EDIL3: variants seen among roughly 807,000 people sequenced by gnomAD.
The protein encoded by EDIL3 is EGF-like repeat and discoidin I-like domain-containing protein 3.
In EDIL3, 37 loss-of-function variants were observed where a neutral mutation model predicts 67.4. The ratio of observed to expected loss-of-function variants is 0.55; its 90% CI spans 0.42 to 0.72. EDIL3 has a LOEUF of 0.72. EDIL3 is among the 30% of genes least tolerant of loss of function. The probability of loss-of-function intolerance (pLI) is 0.00; values close to 1 mark genes in which losing one functional copy is unlikely to be tolerated. For synonymous variants in EDIL3, 195 were observed against 196.3 expected (o/e 0.99, Z 0.05); for missense variants, 527 against 586.3 (o/e 0.90, Z 1.04).
intron 1 of EDIL3, among the ~76,000 whole-genome samples, chr5:84,297,096 G>A (rs941050825): frequency 6.7e-6 from 1 of 150,118 alleles, no homozygotes; most frequent in African/African-American, 2.4e-5. Context: ...GCAGGAGAAT[G>A]GTGTGAACCC....
chr5:84,307,352 G>T (rs1046409429), intron 1 of EDIL3, among the ~76,000 whole-genome samples: 2 of 152,074 alleles, frequency 1.3e-5, no homozygotes, highest in Admixed American at 1.3e-4. Context: ...TGGTGCTGAG[G>T]TAATGTAAAT....
intron 1 of EDIL3, among the ~76,000 whole-genome samples, chr5:84,312,776 A>G (rs931812977): frequency 5.3e-5 from 8 of 152,222 alleles, no homozygotes; most frequent in African/African-American, 1.9e-4. Flanking sequence ...TTAAATTACA[A>G]TTTTTGTCAG....
chr5:84,364,317 C>T (rs1350671738), intron 1 of EDIL3, among the ~76,000 whole-genome samples: 1 of 152,230 alleles, frequency 6.6e-6, no homozygotes, highest in East Asian at 1.9e-4. Flanking sequence ...TCAGAATTTG[C>T]CCAGTCACAA....
intron 4 of EDIL3, among the ~76,000 whole-genome samples, chr5:84,171,482 G>T (rs1359578196): frequency 1.3e-5 from 2 of 152,184 alleles, no homozygotes; most frequent in Admixed American, 6.6e-5. Context: ...GCTAAAAGTT[G>T]TTGCAGGGGG....
At chr5:84,057,169 CAA>C (rs1746462903) in intron 9 of EDIL3, among the ~76,000 whole-genome samples, 1 of 152,108 alleles carries the variant, frequency 6.6e-6, no homozygotes. Context: ...TGAATTAACA[CAA>C]AGTCTATTAT....
chr5:84,124,021 T>G (rs192783298), intron 5 of EDIL3, among the ~76,000 whole-genome samples: 81 of 152,054 alleles, frequency 5.3e-4, no homozygotes, highest in East Asian at 2.5e-3. Context: ...CCAATCAAAA[T>G]AGATGAAGGT....
chr5:84,344,250 C>T (rs1352949457), intron 1 of EDIL3, among the ~76,000 whole-genome samples: 2 of 152,060 alleles, frequency 1.3e-5, no homozygotes, highest in African/African-American at 4.8e-5. Context: ...GCACCATTTA[C>T]CAATTCCTTT....
At chr5:84,383,188 G>A (rs1164384849) in intron 1 of EDIL3, among the ~76,000 whole-genome samples, 1 of 152,060 alleles carries the variant, frequency 6.6e-6, no homozygotes, top group Non-Finnish European at 1.5e-5. Flanking sequence ...TCTATTACCC[G>A]CGGATCCCTC....
chr5:83,940,932 T>C lies in EDIL3; in HGVS notation c.*2487A>G, dbSNP rs1744212815. ...ACTATGATAAATACCTTCAAAAGGA[T>C]GTAGATATAATGGAGATGTTTAAAA... On this transcript the variant is annotated 3_prime_UTR_variant, in exon 11 of 11. Transcript: ENST00000296591. The C allele has an allele frequency of 6.6e-6, 1 of 151,984 alleles. No homozygotes were observed. The highest frequency in any genetic ancestry group is 2.1e-4 in the South Asian group (1 of 4,832). The allele number at this position is 151,984 out of a possible 1,614,324, so 9.4% of individuals were successfully genotyped here.
At chr5:84,285,556 T>C (rs545872319) in intron 1 of EDIL3, among the ~76,000 whole-genome samples, 1 of 152,360 alleles carries the variant, frequency 6.6e-6, no homozygotes, top group Non-Finnish European at 1.5e-5. Context: ...CAAAACACTT[T>C]GTCTGTAGGA....
At chr5:84,332,267 C>T (rs1375919344) in intron 1 of EDIL3, among the ~76,000 whole-genome samples, 2 of 152,036 alleles carry the variant, frequency 1.3e-5, no homozygotes, top group African/African-American at 4.8e-5. Context: ...ATCTATTCAG[C>T]AGGCTGAGGC....
intron 4 of EDIL3, among the ~76,000 whole-genome samples, chr5:84,161,035 C>G (rs958665723): frequency 6.6e-6 from 1 of 151,896 alleles, no homozygotes; most frequent in Non-Finnish European, 1.5e-5. Flanking sequence ...TTATATCATT[C>G]TTAAGCTTTT....
intron 6 of EDIL3, among the ~76,000 whole-genome samples, chr5:84,080,946 T>C (rs1344774509): frequency 6.6e-6 from 1 of 152,234 alleles, no homozygotes; most frequent in Middle Eastern, 3.2e-3. Flanking sequence ...GGTTAGCCTT[T>C]GACATGTGTT....
chr5:83,987,136 TC>T, intron 9 of EDIL3, among the ~76,000 whole-genome samples: 1 of 152,288 alleles, frequency 6.6e-6, no homozygotes, highest in South Asian at 2.1e-4. Flanking sequence ...CATTAGACTT[TC>T]CCAGGCCTTC....
At chr5:84,205,556 T>C (rs1743956256) in intron 3 of EDIL3, among the ~76,000 whole-genome samples, 1 of 152,278 alleles carries the variant, frequency 6.6e-6, no homozygotes, top group Non-Finnish European at 1.5e-5. Context: ...CTCTTTTTGG[T>C]TGGTAAACTA....
intron 4 of EDIL3, among the ~76,000 whole-genome samples, chr5:84,173,124 A>T (rs1291610216): frequency 6.6e-6 from 1 of 152,170 alleles, no homozygotes; most frequent in Non-Finnish European, 1.5e-5. Context: ...CTGGCCATGC[A>T]TGTCTGTGTG....
At chr5:84,239,404 G>A (rs1254531672) in intron 2 of EDIL3, among the ~76,000 whole-genome samples, 1 of 151,956 alleles carries the variant, frequency 6.6e-6, no homozygotes, top group Non-Finnish European at 1.5e-5. Context: ...ACATTGTAAA[G>A]AATTAATTTC....
intron 9 of EDIL3, among the ~76,000 whole-genome samples, chr5:83,980,400 T>C (rs551383983): frequency 6.6e-6 from 1 of 151,940 alleles, no homozygotes; most frequent in Non-Finnish European, 1.5e-5. Flanking sequence ...TCTATCTTTA[T>C]TCAGATGGCA....
chr5:84,298,976 C>T (rs575758631), intron 1 of EDIL3, among the ~76,000 whole-genome samples: 11 of 152,264 alleles, frequency 7.2e-5, no homozygotes, highest in Non-Finnish European at 1.3e-4. Context: ...TTGCGAGCTG[C>T]TTACTGACTG....
Sources: gnomAD v4.1 joint callset for allele counts (sites outside exome capture counted in the v4.1 genomes callset) on GRCh38, gnomAD v4.1.1 for gene constraint, MANE v1.5 for transcripts, NCBI Gene and HGNC (gene_info 2026-07-23, HGNC 2026-07-21) for gene names.